The following ANKS1B variants were observed in gnomAD, a reference collection of about 807,000 sequenced individuals.
The protein encoded by ANKS1B is ankyrin repeat and sterile alpha motif domain-containing protein 1B.
A neutral mutation model predicts 148.3 loss-of-function variants in ANKS1B; 36 were observed. That is an observed-to-expected ratio of 0.24 (90% CI 0.19 to 0.32). The LOEUF (loss-of-function observed/expected upper bound fraction) is 0.32. Among genes scored for constraint, ANKS1B ranks in the 10% least tolerant of loss-of-function variants. The probability of loss-of-function intolerance (pLI) is 1.00; values close to 1 mark genes in which losing one functional copy is unlikely to be tolerated. For synonymous variants in ANKS1B, 542 were observed against 560.8 expected (o/e 0.97, Z 0.47); for missense variants, 1,157 against 1,542.6 (o/e 0.75, Z 4.19).
intron 25 of ANKS1B, among the ~76,000 whole-genome samples, chr12:98,759,573 T>C (rs527300809): frequency 6.6e-6 from 1 of 152,328 alleles, no homozygotes; most frequent in Admixed American, 6.5e-5. Context: ...ACCAAGGTAA[T>C]TAATTTATTT....
chr12:98,777,830 G>A (rs1373047696), intron 24 of ANKS1B, among the ~76,000 whole-genome samples: 2 of 152,114 alleles, frequency 1.3e-5, no homozygotes, highest in African/African-American at 4.8e-5. Flanking sequence ...AATGCTTCAC[G>A]GAGGGTTAAT....
In ANKS1B at chr12:99,204,015, C is replaced by T. The variant is rs189593824; in HGVS notation, c.2419+40327G>A. On this transcript the variant is annotated intron_variant, in intron 14 of 26. Coordinates refer to ENST00000683438, the MANE Select transcript of ANKS1B (RefSeq NM_001352186.2). The stretch of plus-strand genomic sequence containing the variant: ...ACCCCAAATCCAGCATAATTCAATG[C>T]ATATATTAGTGGCTTAATAAATATT... Among the ~76,000 whole-genome samples the T allele has an allele frequency of 2.0e-4, 30 of 152,262 alleles. No individual in the cohort carries two copies. In the East Asian group the frequency reaches 5.2e-3, roughly 26 times the overall value.
chr12:99,057,656 C>G (rs529279257), intron 16 of ANKS1B, among the ~76,000 whole-genome samples: 20 of 152,292 alleles, frequency 1.3e-4, no homozygotes, highest in African/African-American at 4.1e-4. Flanking sequence ...GCCAAGGGAT[C>G]AACATTATGT....
chr12:99,385,006 C>T (rs1041937341), intron 12 of ANKS1B, among the ~76,000 whole-genome samples: 48 of 152,042 alleles, frequency 3.2e-4, no homozygotes, highest in African/African-American at 1.1e-3. Flanking sequence ...AATTTTTGTT[C>T]AGTGTTTACA....
intron 8 of ANKS1B, among the ~76,000 whole-genome samples, chr12:99,714,876 T>C (rs922152220): frequency 1.3e-5 from 2 of 151,724 alleles, no homozygotes; most frequent in African/African-American, 2.4e-5. Flanking sequence ...CCCAGCACTT[T>C]GGGAAGCCAA....
At chr12:98,793,500 A>G (rs1054299345) in intron 22 of ANKS1B, among the ~76,000 whole-genome samples, 2 of 152,262 alleles carry the variant, frequency 1.3e-5, no homozygotes, top group African/African-American at 2.4e-5. Flanking sequence ...GATTACATCA[A>G]ACTAAAAGCC....
intron 10 of ANKS1B, among the ~76,000 whole-genome samples, chr12:99,501,112 G>A (rs958989521): frequency 1.3e-5 from 2 of 151,024 alleles, no homozygotes; most frequent in African/African-American, 4.9e-5. Context: ...TCTCCAATAT[G>A]CTAGGTCATT....
rs369897907 is a variant in ANKS1B, at chr12:99,949,956, CTTAT to C, written c.134+34144_134+34147del. On this transcript the variant is annotated intron_variant, in intron 1 of 26. Coordinates refer to ENST00000683438, the MANE Select transcript of ANKS1B (RefSeq NM_001352186.2). ...CTAGTTCCATACTCCACAAGCCACT[CTTAT>C]TTGTTTGTTTGTTTGTTTGTGACAG... 7.5e-3 allele frequency among the ~76,000 whole-genome samples: 1,143 copies of C among 151,762 alleles called. 19 individuals are homozygous for C. The highest frequency in any genetic ancestry group is 0.026 in the African/African-American group (1,087 of 41,390).
chr12:99,885,807 T>C (rs2092796035), intron 1 of ANKS1B, among the ~76,000 whole-genome samples: 1 of 152,136 alleles, frequency 6.6e-6, no homozygotes, highest in African/African-American at 2.4e-5. Context: ...CTGTATGCCT[T>C]TGCACGCCCA....
At chr12:98,971,367 T>C (rs536924916) in intron 17 of ANKS1B, among the ~76,000 whole-genome samples, 2 of 152,324 alleles carry the variant, frequency 1.3e-5, no homozygotes, top group South Asian at 4.1e-4. Context: ...AAAGTATTTT[T>C]TAAAGTAACA....
chr12:98,847,621 A>C (rs770608380), intron 17 of ANKS1B, among the ~76,000 whole-genome samples: 1 of 151,806 alleles, frequency 6.6e-6, no homozygotes, highest in Non-Finnish European at 1.5e-5. Flanking sequence ...TTTGAGATGG[A>C]GTCTTGCTCT....
intron 15 of ANKS1B, among the ~76,000 whole-genome samples, chr12:99,088,838 G>GTTTTTTTTTTTTTTTTTTTTTTT (rs386377539): frequency 1.4e-5 from 1 of 69,848 alleles, no homozygotes. Flanking sequence ...TTTAACTTCT[G>GTTTTTTTTTTTTTTTTTTTTTTT]TTTTTTTTTT....
At chr12:99,762,354 A>C (rs2062214075) in intron 8 of ANKS1B, among the ~76,000 whole-genome samples, 2 of 151,634 alleles carry the variant, frequency 1.3e-5, no homozygotes, top group Admixed American at 1.3e-4. Flanking sequence ...AACATAGAAC[A>C]AAGGAACAGA....
At chr12:99,768,825 G>GA (rs71088151) in intron 8 of ANKS1B, among the ~76,000 whole-genome samples, 29,639 of 69,186 alleles carry the variant, frequency 0.43, 6,113 homozygotes, top group East Asian at 0.66. Flanking sequence ...CTCCGTCTCA[G>GA]AAAAAAAAAA....
intron 12 of ANKS1B, among the ~76,000 whole-genome samples, chr12:99,342,434 A>T (rs958040029): frequency 1.3e-5 from 2 of 151,986 alleles, no homozygotes; most frequent in African/African-American, 2.4e-5. Flanking sequence ...GGCTAATCAT[A>T]GACAGTAAGT....
chr12:99,667,210 G>A lies in ANKS1B; in HGVS notation c.1129-12000C>T, dbSNP rs964819433. Among the ~76,000 whole-genome samples, 22 of 152,028 alleles carry A rather than the reference G, an allele frequency of 1.4e-4. 1 individual carries two copies. Among genetic ancestry groups the A allele is most frequent in the African/African-American group, 5.1e-4 (21 of 41,470 alleles). On this transcript the variant is annotated intron_variant, in intron 8 of 26. Coordinates refer to ENST00000683438, the MANE Select transcript of ANKS1B (RefSeq NM_001352186.2). ...AAAATACAAAAAAGTTTAGCCAGGT[G>A]TGGTGGCACGCACCTGTAGTTCCAG...
At chr12:99,124,623 A>G (rs1054095153) in intron 15 of ANKS1B, among the ~76,000 whole-genome samples, 4 of 152,194 alleles carry the variant, frequency 2.6e-5, no homozygotes, top group African/African-American at 9.6e-5. Context: ...GATGTAATGT[A>G]AGCCACGGGT....
chr12:99,841,180 A>C (rs1216717853), intron 1 of ANKS1B, among the ~76,000 whole-genome samples: 1 of 152,124 alleles, frequency 6.6e-6, no homozygotes, highest in African/African-American at 2.4e-5. Context: ...AATTAGATGT[A>C]AAGTGCTAGC....
chr12:99,775,429 G>A, intron 7 of ANKS1B, 119 bp downstream of exon 7: 1 of 539,494 alleles, frequency 1.9e-6, no homozygotes, highest in African/African-American at 1.9e-5. Context: ...ATCAGTAACA[G>A]GAGCTCTTAT....
Sources: allele counts gnomAD v4.1 joint callset (sites outside exome capture counted in the v4.1 genomes callset), GRCh38; gene constraint gnomAD v4.1.1; transcripts MANE v1.5; gene names NCBI Gene and HGNC (gene_info 2026-07-23, HGNC 2026-07-21).